Variants in PIAS2 observed in about 807,000 individuals in gnomAD.
PIAS2 encodes E3 SUMO-protein ligase PIAS2.
In PIAS2, 19 loss-of-function variants were observed where a neutral mutation model predicts 69.7. The observed-to-expected ratio is 0.27, with a 90% CI of 0.19 to 0.40. The LOEUF is 0.40. Among genes scored for constraint, PIAS2 ranks in the 10% least tolerant of loss-of-function variants. The probability of loss-of-function intolerance (pLI) is 1.00; values close to 1 mark genes in which losing one functional copy is unlikely to be tolerated. For synonymous variants in PIAS2, 261 were observed against 263.2 expected (o/e 0.99, Z 0.08); for missense variants, 624 against 757.0 (o/e 0.82, Z 2.06).
intron 1 of PIAS2, among the ~76,000 whole-genome samples, chr18:46,894,440 C>G (rs2054536836): frequency 6.6e-6 from 1 of 152,102 alleles, no homozygotes; most frequent in Non-Finnish European, 1.5e-5. Flanking sequence ...ATGTTGGTAT[C>G]TTTAGTCTAA....
intron 9 of PIAS2, 71 bp downstream of exon 9, chr18:46,836,286 T>C (rs991214195): frequency 8.9e-7 from 1 of 1,128,226 alleles, no homozygotes; most frequent in Non-Finnish European, 1.3e-6. Context: ...TTCAGTAAGT[T>C]GTAGTGAACA....
intron 11 of PIAS2, among the ~76,000 whole-genome samples, chr18:46,825,233 A>T (rs2042694998): frequency 6.6e-6 from 1 of 152,166 alleles, no homozygotes; most frequent in Non-Finnish European, 1.5e-5. Context: ...AAAGTCTAAG[A>T]GTAGGAGGGG....
chr18:46,817,712 A>T, intron 12 of PIAS2: 1 of 943,684 alleles, frequency 1.1e-6, no homozygotes, highest in Non-Finnish European at 1.3e-6. Flanking sequence ...TGTCTATATA[A>T]AACCTGTTTA....
At chr18:46,876,658 A>C (rs1423229430) in intron 2 of PIAS2, among the ~76,000 whole-genome samples, 1 of 152,064 alleles carries the variant, frequency 6.6e-6, no homozygotes, top group African/African-American at 2.4e-5. Flanking sequence ...TTATCCAATG[A>C]ACTAGCTAAA....
rs774611398 is a variant in PIAS2, at chr18:46,846,739, T to C, written c.829A>G (p.Ile277Val). Reference protein sequence around the residue: ...VRLSSAVPNQISISWASEIGK... With the variant: ...VRLSSAVPNQVSISWASEIGK... Reference sequence around the variant, plus strand: ...ATTTCTGATGCCCAAGAAATGGAAATTTGGTTTGGCACAGCTGAAGATAAC... The same window carrying C: ...ATTTCTGATGCCCAAGAAATGGAAACTTGGTTTGGCACAGCTGAAGATAAC... The change falls in exon 6 of 14, where the codon ATT becomes GTT. Residue 277 changes from isoleucine to valine, a missense_variant. Physicochemically the swap from Ile to Val is conservative, Grantham distance 29. This residue lies in a region of PIAS2 where 339 missense variants were observed against 408.8 expected (regional missense o/e 0.83). Coordinates refer to ENST00000585916, the MANE Select transcript of PIAS2 (RefSeq NM_004671.5). 6.2e-7 allele frequency: 1 copy of C among 1,611,858 alleles called. No individual in the cohort carries two copies. Among genetic ancestry groups the C allele is most frequent in the South Asian group, 1.1e-5 (1 of 90,456 alleles).
At chr18:46,869,326 A>C (rs1207171716) in intron 2 of PIAS2, among the ~76,000 whole-genome samples, 1 of 152,188 alleles carries the variant, frequency 6.6e-6, no homozygotes, top group Non-Finnish European at 1.5e-5. Flanking sequence ...GAGCCTCAGC[A>C]AACCTCTAGA....
chr18:46,859,427 C>CA (rs55776913), intron 3 of PIAS2, among the ~76,000 whole-genome samples: 1,506 of 89,434 alleles, frequency 0.017, 87 homozygotes, highest in African/African-American at 0.052. Flanking sequence ...GACTCCGTCT[C>CA]AAAAAAAAAA....
chr18:46,813,515 C>G (rs1303638751), intron 13 of PIAS2, among the ~76,000 whole-genome samples: 1 of 152,140 alleles, frequency 6.6e-6, no homozygotes, highest in Non-Finnish European at 1.5e-5. Flanking sequence ...TGATATCCTG[C>G]AAGAGATGGT....
chr18:46,899,900 G>A (rs2055529472), intron 1 of PIAS2, among the ~76,000 whole-genome samples: 3 of 152,116 alleles, frequency 2.0e-5, no homozygotes, highest in Admixed American at 2.0e-4. Context: ...CATCCTGACA[G>A]CATCAGGAAA....
chr18:46,878,631 G>A (rs960271244), intron 2 of PIAS2, among the ~76,000 whole-genome samples: 1 of 152,202 alleles, frequency 6.6e-6, no homozygotes, highest in African/African-American at 2.4e-5. Context: ...CACTTTGGGA[G>A]GCCAAGGTGG....
chr18:46,883,513 G>A (rs1018748155), intron 2 of PIAS2, among the ~76,000 whole-genome samples: 9 of 152,118 alleles, frequency 5.9e-5, no homozygotes, highest in African/African-American at 2.2e-4. Context: ...GACCAGCCTG[G>A]ACAACATAGA....
At chr18:46,890,513 A>G in intron 2 of PIAS2, 67 bp downstream of exon 2, 1 of 932,132 alleles carries the variant, frequency 1.1e-6, no homozygotes, top group Non-Finnish European at 1.7e-6. Flanking sequence ...ATCATTAATC[A>G]ATAGTTGAAG....
chr18:46,844,020 C>A, intron 8 of PIAS2, 34 bp downstream of exon 8: 2 of 1,274,408 alleles, frequency 1.6e-6, no homozygotes, highest in South Asian at 3.2e-5. Context: ...TATAAAAAGT[C>A]AAATTCCCCA....
At chr18:46,892,764 T>A (rs2054255194) in intron 1 of PIAS2, among the ~76,000 whole-genome samples, 1 of 152,120 alleles carries the variant, frequency 6.6e-6, no homozygotes. Flanking sequence ...ATATTAAGAC[T>A]GTCTCAAAAA....
intron 10 of PIAS2, 150 bp from the exon 11 acceptor site, chr18:46,828,280 C>A (rs1325384368): frequency 1.7e-6 from 1 of 595,890 alleles, no homozygotes; most frequent in African/African-American, 1.8e-5. Context: ...AATACCAACT[C>A]CCTAACTCCA....
chr18:46,868,496 C>G (rs1002168487), intron 2 of PIAS2, among the ~76,000 whole-genome samples: 6 of 152,176 alleles, frequency 3.9e-5, no homozygotes, highest in Non-Finnish European at 8.8e-5. Flanking sequence ...CAGCCTCTCC[C>G]TTTCCGCCTA....
chr18:46,814,935 A>G (rs1053033071), intron 13 of PIAS2, among the ~76,000 whole-genome samples: 2 of 152,344 alleles, frequency 1.3e-5, no homozygotes, highest in South Asian at 2.1e-4. Context: ...AAGTCTGTCT[A>G]ATCAGGTTTA....
chr18:46,881,295 T>C (rs2052204698), intron 2 of PIAS2, among the ~76,000 whole-genome samples: 1 of 152,228 alleles, frequency 6.6e-6, no homozygotes, highest in Non-Finnish European at 1.5e-5. Flanking sequence ...TCAAAGGGCT[T>C]ACTCTACCTG....
In PIAS2 at chr18:46,808,122, C is replaced by T. The variant is rs1390093924; in HGVS notation, c.*4311G>A. 2.0e-5 allele frequency: 3 copies of T among 152,152 alleles called. No homozygotes were observed. The highest frequency in any genetic ancestry group is 4.1e-4 in the South Asian group (2 of 4,828). 9.4% of individuals were successfully genotyped at this position (152,152 alleles called of 1,614,324 possible). On this transcript the variant is annotated 3_prime_UTR_variant, in exon 14 of 14. Coordinates refer to ENST00000585916, the MANE Select transcript of PIAS2 (RefSeq NM_004671.5). Reference sequence around the variant, plus strand: ...ACCATAAAATTAATAATAGTTGACACAGTTTTAATGACATGGAATAATGCC... The same window carrying T: ...ACCATAAAATTAATAATAGTTGACATAGTTTTAATGACATGGAATAATGCC...
Sources: allele counts gnomAD v4.1 joint callset (sites outside exome capture counted in the v4.1 genomes callset), GRCh38; gene constraint gnomAD v4.1.1; regional missense constraint gnomAD v4.1.1; transcripts MANE v1.5; gene names NCBI Gene and HGNC (gene_info 2026-07-23, HGNC 2026-07-21).